Variants in SEMA5A observed in about 807,000 individuals in gnomAD.
SEMA5A encodes the protein semaphorin 5A.
In SEMA5A, 55 loss-of-function variants were observed where a neutral mutation model predicts 135.5. That is an observed-to-expected ratio of 0.41 (90% CI 0.33 to 0.51). The LOEUF is 0.51. SEMA5A is among the 20% of genes least tolerant of loss of function. The probability of loss-of-function intolerance (pLI) is 0.37; values close to 1 mark genes in which losing one functional copy is unlikely to be tolerated. For missense variants in SEMA5A, 1,290 were observed against 1,419.9 expected, an observed-to-expected ratio of 0.91 and a Z score of 1.47; for synonymous variants, 580 against 546.5, an observed-to-expected ratio of 1.06 and a Z score of -0.85.
chr5:9,443,184 C>A (rs993484159), intron 1 of SEMA5A, among the ~76,000 whole-genome samples: 7 of 152,164 alleles, frequency 4.6e-5, no homozygotes, highest in Non-Finnish European at 1.0e-4. Flanking sequence ...TTGGATAAAT[C>A]GACAGTGGAC....
chr5:9,302,639 C>A (rs1349404811), intron 5 of SEMA5A, among the ~76,000 whole-genome samples: 1 of 152,158 alleles, frequency 6.6e-6, no homozygotes, highest in African/African-American at 2.4e-5. Flanking sequence ...AGCACAAGCA[C>A]CTAAGATGCT....
chr5:9,493,473 A>T (rs1257159397), intron 1 of SEMA5A, among the ~76,000 whole-genome samples: 1 of 152,066 alleles, frequency 6.6e-6, no homozygotes, highest in Non-Finnish European at 1.5e-5. Context: ...GGTAAAATTA[A>T]TTATTAATTA....
chr5:9,299,107 C>T (rs1025696881), intron 5 of SEMA5A, among the ~76,000 whole-genome samples: 3 of 112,510 alleles, frequency 2.7e-5, no homozygotes, highest in South Asian at 3.2e-4. Flanking sequence ...TGATGGTGGG[C>T]ATCACTGTTC....
intron 12 of SEMA5A, among the ~76,000 whole-genome samples, chr5:9,151,057 A>G (rs1213185690): frequency 6.6e-6 from 1 of 152,196 alleles, no homozygotes; most frequent in Non-Finnish European, 1.5e-5. Context: ...GCAGGACACC[A>G]AAAATATGAG....
At chr5:9,163,756 A>G (rs1481036398) in intron 11 of SEMA5A, among the ~76,000 whole-genome samples, 5 of 151,816 alleles carry the variant, frequency 3.3e-5, no homozygotes, top group Non-Finnish European at 7.4e-5. Flanking sequence ...TGTCCTTATA[A>G]AAAGAGAAGG....
chr5:9,108,060 T>C, intron 16 of SEMA5A, 80 bp downstream of exon 16: 1 of 1,501,792 alleles, frequency 6.7e-7, no homozygotes, highest in Admixed American at 2.0e-5. Flanking sequence ...ACATCTAGTG[T>C]GTGCAGAGAA....
intron 1 of SEMA5A, among the ~76,000 whole-genome samples, chr5:9,447,088 A>T (rs1284725445): frequency 6.6e-6 from 1 of 152,256 alleles, no homozygotes; most frequent in Non-Finnish European, 1.5e-5. Flanking sequence ...TAAATTGTTC[A>T]GAAAAATATT....
At chr5:9,142,578 C>A (rs1742122604) in intron 12 of SEMA5A, among the ~76,000 whole-genome samples, 1 of 152,200 alleles carries the variant, frequency 6.6e-6, no homozygotes, top group African/African-American at 2.4e-5. Flanking sequence ...TATGAATTAT[C>A]CCTTCCCTAA....
chr5:9,113,747 G>A (rs1035426070), intron 15 of SEMA5A, among the ~76,000 whole-genome samples: 3 of 152,124 alleles, frequency 2.0e-5, no homozygotes, highest in Non-Finnish European at 4.4e-5. Flanking sequence ...AAACCACAAT[G>A]AGATACCAGT....
intron 11 of SEMA5A, among the ~76,000 whole-genome samples, chr5:9,180,082 A>G (rs754776275): frequency 1.3e-5 from 2 of 152,164 alleles, no homozygotes; most frequent in Non-Finnish European, 2.9e-5. Flanking sequence ...CCGTGTTATC[A>G]CATGGCATTC....
intron 2 of SEMA5A, among the ~76,000 whole-genome samples, chr5:9,406,135 C>T (rs959698097): frequency 2.0e-5 from 3 of 152,202 alleles, no homozygotes; most frequent in Non-Finnish European, 2.9e-5. Flanking sequence ...ATGACAACAA[C>T]AAACTAGCTC....
At position 9,197,316 on chromosome 5, in the gene SEMA5A, G is replaced by GGA. The variant is rs113681390; in HGVS notation, c.933-15_933-14dup. 6.3e-7 allele frequency: 1 copy of GGA among 1,585,964 alleles called. No homozygotes were observed. The highest frequency in any genetic ancestry group is 8.6e-7 in the Non-Finnish European group (1 of 1,168,704). Reference sequence around the variant, plus strand: ...CGCAATGCTGTTCCTGGGAGCGGAGGGAGAGAGAGAAGGCAGTCAGAGAGC... The same window carrying GGA: ...CGCAATGCTGTTCCTGGGAGCGGAGGGAGAGAGAGAGAAGGCAGTCAGAGAGC... On this transcript the variant is annotated splice_polypyrimidine_tract_variant and intron_variant, in intron 9 of 22. Transcript: ENST00000382496.
chr5:9,472,442 G>A (rs551522601), intron 1 of SEMA5A, among the ~76,000 whole-genome samples: 2 of 152,190 alleles, frequency 1.3e-5, no homozygotes, highest in African/African-American at 2.4e-5. Flanking sequence ...TTCCTGCCTT[G>A]TGTTGAAAGG....
intron 3 of SEMA5A, among the ~76,000 whole-genome samples, chr5:9,348,832 G>A (rs1753988470): frequency 6.6e-6 from 1 of 152,196 alleles, no homozygotes; most frequent in Admixed American, 6.5e-5. Flanking sequence ...GACAGAGATT[G>A]CAGAGGAACG....
chr5:9,098,888 C>T (rs1466672445), intron 16 of SEMA5A, among the ~76,000 whole-genome samples: 1 of 152,160 alleles, frequency 6.6e-6, no homozygotes, highest in Non-Finnish European at 1.5e-5. Flanking sequence ...CAATTTAAGT[C>T]ACTTTTACAG....
chr5:9,136,883 C>A lies in SEMA5A; in HGVS notation c.1482-262G>T, dbSNP rs774852642. Among the ~76,000 whole-genome samples the A allele has an allele frequency of 1.9e-4, 29 of 152,162 alleles. 1 individual carries two copies. The highest frequency in any genetic ancestry group is 4.1e-4 in the Non-Finnish European group (28 of 68,026). ...ACAGATGACTAAAGATGAGCCAACA[C>A]GAGCATTTTGCTGTCATAAATAGTG... is the stretch of plus-strand genomic sequence containing the variant. On this transcript the variant is annotated intron_variant, in intron 12 of 22. Transcript: ENST00000382496.
intron 9 of SEMA5A, 58 bp from the exon 10 acceptor site, chr5:9,197,361 TC>T: frequency 6.3e-7 from 1 of 1,582,300 alleles, no homozygotes; most frequent in Non-Finnish European, 8.6e-7. Flanking sequence ...CCTGCTGACC[TC>T]CCCCTATGGA....
chr5:9,440,847 A>G (rs1186554948), intron 1 of SEMA5A, among the ~76,000 whole-genome samples: 2 of 152,250 alleles, frequency 1.3e-5, no homozygotes, highest in Non-Finnish European at 2.9e-5. Flanking sequence ...GATACATGGC[A>G]GAAATTAACA....
intron 1 of SEMA5A, among the ~76,000 whole-genome samples, chr5:9,499,060 G>A (rs1385001051): frequency 6.6e-6 from 1 of 152,276 alleles, no homozygotes. Context: ...CATAGGCAGC[G>A]AAAGGTCCTC....
Sources: allele counts gnomAD v4.1 joint callset (sites outside exome capture counted in the v4.1 genomes callset), GRCh38; gene constraint gnomAD v4.1.1; transcripts MANE v1.5; gene names NCBI Gene and HGNC (gene_info 2026-07-23, HGNC 2026-07-21).